The following CHD9 variants were observed in gnomAD, a reference collection of about 807,000 sequenced individuals.
The protein encoded by CHD9 is ATP-dependent chromatin remodeler CHD9.
Under a neutral mutation model 316.1 loss-of-function variants are expected in CHD9, and 77 were observed. That is an observed-to-expected ratio of 0.24 (90% CI 0.20 to 0.29). CHD9 has a LOEUF of 0.29. CHD9 is among the 10% of genes least tolerant of loss of function. The pLI is 1.00. For missense variants in CHD9, 2,763 were observed against 3,438.1 expected (o/e 0.80, Z 4.91); for synonymous variants, 1,129 against 1,158.3 (o/e 0.97, Z 0.51).
intron 1 of CHD9, among the ~76,000 whole-genome samples, chr16:53,108,432 G>A (rs2037542089): frequency 1.3e-5 from 2 of 152,088 alleles, no homozygotes; most frequent in South Asian, 4.1e-4. Flanking sequence ...TTGAGCCCAG[G>A]AGGTGGAGGC....
chr16:53,068,776 C>A (rs1031343263), intron 1 of CHD9, among the ~76,000 whole-genome samples: 1 of 152,158 alleles, frequency 6.6e-6, no homozygotes, highest in Non-Finnish European at 1.5e-5. Flanking sequence ...TTTATACCTG[C>A]GGTAAGTTTT....
intron 1 of CHD9, among the ~76,000 whole-genome samples, chr16:53,117,428 T>TATA (rs1567341187): frequency 1.4e-5 from 2 of 143,552 alleles, no homozygotes; most frequent in African/African-American, 5.3e-5. Flanking sequence ...ATATATATAT[T>TATA]TTTGGAAACA....
Position 53,267,436 on chromosome 16 carries a change from A to G in CHD9, c.4463A>G (p.Asn1488Ser), listed in dbSNP as rs754761253. ...PKLRRPCDRS[N>S]GYGRTECFRV... ...CTCCGGAGACCCTGTGACCGTTCCA[A>G]TGGCTATGGAAGAACTGAATGCTTT... is the stretch of plus-strand genomic sequence containing the variant. Residue 1488 changes from asparagine (N) to serine (S), a missense_variant, in exon 21 of 39, where the codon AAT (asparagine) becomes AGT (serine). By Grantham distance (46) the Asn-to-Ser change is conservative. Coordinates refer to ENST00000447540, the MANE Select transcript of CHD9 (RefSeq NM_001308319.2). 1.2e-5 allele frequency: 20 copies of G among 1,611,508 alleles called. No individual in the cohort carries two copies. The Admixed American group carries it at 3.3e-4, about 27-fold the overall frequency.
intron 34 of CHD9, among the ~76,000 whole-genome samples, chr16:53,313,588 G>C (rs1192747835): frequency 1.3e-5 from 2 of 152,028 alleles, no homozygotes. Flanking sequence ...TTACAGGCGT[G>C]AGCCACTATG....
intron 1 of CHD9, among the ~76,000 whole-genome samples, chr16:53,149,212 G>A (rs527832875): frequency 1.4e-4 from 21 of 152,262 alleles, no homozygotes; most frequent in African/African-American, 4.1e-4. Context: ...TCTGCACTCC[G>A]GAAGAATGTA....
rs773283768 is a variant in CHD9, at chr16:53,157,334, T to C, written c.1245T>C (p.Leu415=). Reference sequence around the variant, plus strand: ...AGGACCTCCTTCAGGAGGGTCTTCTTCCTCACTTTGATGAGTCAACATTCG... The same window carrying C: ...AGGACCTCCTTCAGGAGGGTCTTCTCCCTCACTTTGATGAGTCAACATTCG... ...DPEDLLQEGL[L]PHFDESTFGQ... Residue 415 remains leucine, a synonymous_variant, in exon 2 of 39, where the codon CTT becomes CTC. Coordinates refer to ENST00000447540, the MANE Select transcript of CHD9 (RefSeq NM_001308319.2). The C allele has an allele frequency of 6.2e-7, 1 of 1,613,842 alleles. No homozygotes were observed. The highest frequency in any genetic ancestry group is 1.3e-5 in the African/African-American group (1 of 75,058).
intron 3 of CHD9, among the ~76,000 whole-genome samples, chr16:53,219,478 G>A (rs906953035): frequency 6.6e-5 from 10 of 152,174 alleles, no homozygotes; most frequent in African/African-American, 2.4e-4. Flanking sequence ...GTCAATGACT[G>A]AATCCTACGG....
At chr16:53,228,165 A>G (rs563650667) in intron 7 of CHD9, among the ~76,000 whole-genome samples, 8 of 152,236 alleles carry the variant, frequency 5.3e-5, no homozygotes, top group Admixed American at 5.2e-4. Flanking sequence ...TTTATAAAAT[A>G]TGCTTTTATA....
intron 1 of CHD9, among the ~76,000 whole-genome samples, chr16:53,148,080 G>T (rs574686489): frequency 2.0e-5 from 3 of 151,970 alleles, no homozygotes; most frequent in Non-Finnish European, 2.9e-5. Flanking sequence ...GGTGGTGGGC[G>T]CCTGTAAGCC....
intron 27 of CHD9, among the ~76,000 whole-genome samples, chr16:53,290,325 A>T (rs887849342): frequency 5.3e-5 from 8 of 152,130 alleles, no homozygotes; most frequent in African/African-American, 1.7e-4. Flanking sequence ...TGGCCTTGCT[A>T]TGGGAGCTAA....
At chr16:53,111,502 T>C (rs908175354) in intron 1 of CHD9, among the ~76,000 whole-genome samples, 2 of 152,250 alleles carry the variant, frequency 1.3e-5, no homozygotes, top group African/African-American at 4.8e-5. Flanking sequence ...TGCAAATTCT[T>C]TGAGGCCTGT....
chr16:53,166,990 C>T lies in CHD9; in HGVS notation c.1452+9449C>T, dbSNP rs185091759. ...AAAGAATAAACAGGGTTAGAAAGAT[C>T]ATGACTTGCTTGCTGTCACATAACT... On this transcript the variant is annotated intron_variant, in intron 2 of 38. Transcript: ENST00000447540. 3.1e-3 allele frequency among the ~76,000 whole-genome samples: 463 copies of T among 149,814 alleles called. 3 individuals are homozygous for T. The highest frequency in any genetic ancestry group is 0.011 in the African/African-American group (446 of 41,248).
chr16:53,121,609 G>T (rs1056391753), intron 1 of CHD9: 8 of 347,592 alleles, frequency 2.3e-5, no homozygotes, highest in Non-Finnish European at 4.5e-5. Context: ...ACAGCTCTCT[G>T]GCTGAACATA....
At position 53,150,965 on chromosome 16, in the gene CHD9, C is replaced by T. The variant is rs536101473; in HGVS notation, c.-164-4961C>T. 2.8e-4 allele frequency among the ~76,000 whole-genome samples: 43 copies of T among 152,164 alleles called. 1 individual carries two copies. The highest frequency in any genetic ancestry group is 6.8e-3 in the Middle Eastern group (2 of 294). Reference sequence around the variant, plus strand: ...ATGTGATCTCTTAGAATTTATCCTCCGCGGAGTTTGGTGAGCTTCTTGGAT... The same window carrying T: ...ATGTGATCTCTTAGAATTTATCCTCTGCGGAGTTTGGTGAGCTTCTTGGAT... On this transcript the variant is annotated intron_variant, in intron 1 of 38. Transcript: ENST00000447540.
At chr16:53,234,200 A>G (rs1274176726) in intron 10 of CHD9, among the ~76,000 whole-genome samples, 1 of 152,194 alleles carries the variant, frequency 6.6e-6, no homozygotes, top group Non-Finnish European at 1.5e-5. Context: ...TTGATCTTGT[A>G]TTATGCAACC....
intron 2 of CHD9, among the ~76,000 whole-genome samples, chr16:53,178,864 T>A (rs529895567): frequency 2.6e-4 from 40 of 152,260 alleles, no homozygotes; most frequent in African/African-American, 9.1e-4. Flanking sequence ...AAATTGAAAT[T>A]GGGCCAGGCA....
intron 26 of CHD9, among the ~76,000 whole-genome samples, chr16:53,287,727 C>CA (rs1003335005): frequency 6.6e-5 from 10 of 151,610 alleles, no homozygotes; most frequent in Non-Finnish European, 1.2e-4. Flanking sequence ...AACTCCGTCT[C>CA]AAAAAAAATA....
At chr16:53,124,320 C>T (rs1277383860) in intron 1 of CHD9, among the ~76,000 whole-genome samples, 1 of 152,036 alleles carries the variant, frequency 6.6e-6, no homozygotes, top group Non-Finnish European at 1.5e-5. Flanking sequence ...CTAATAGACT[C>T]ACAGTTCCAC....
At chr16:53,226,916 A>G (rs1334082666) in intron 5 of CHD9, among the ~76,000 whole-genome samples, 1 of 152,162 alleles carries the variant, frequency 6.6e-6, no homozygotes, top group Non-Finnish European at 1.5e-5. Flanking sequence ...ATCTTCTGCT[A>G]CTTCTCCATA....
Sources: allele counts gnomAD v4.1 joint callset (sites outside exome capture counted in the v4.1 genomes callset), GRCh38; gene constraint gnomAD v4.1.1; transcripts MANE v1.5; gene names NCBI Gene and HGNC (gene_info 2026-07-23, HGNC 2026-07-21).